The following EFL1 variants were observed in gnomAD, a reference collection of about 807,000 sequenced individuals.
The protein encoded by EFL1 is elongation factor like GTPase 1, also known as elongation factor-like GTPase 1.
Under a neutral mutation model 126.7 loss-of-function variants are expected in EFL1, and 76 were observed. The observed-to-expected ratio is 0.60, with a 90% CI of 0.50 to 0.73. The LOEUF (loss-of-function observed/expected upper bound fraction) is 0.73. Ranked by LOEUF, EFL1 falls within the 30% of genes least tolerant of loss-of-function variation. The pLI, the probability that EFL1 is intolerant of heterozygous loss-of-function variation, is 0.00. For missense variants in EFL1, 1,128 were observed against 1,343.2 expected (o/e 0.84, Z 2.50); for synonymous variants, 410 against 448.4 (o/e 0.91, Z 1.08).
intron 15 of EFL1, among the ~76,000 whole-genome samples, chr15:82,208,106 T>C (rs1005441285): frequency 1.3e-5 from 2 of 152,152 alleles, no homozygotes; most frequent in African/African-American, 4.8e-5. Flanking sequence ...ACATTAACTA[T>C]ATATAAAACT....
intron 15 of EFL1, among the ~76,000 whole-genome samples, chr15:82,179,910 A>G (rs2074232471): frequency 6.6e-6 from 1 of 152,082 alleles, no homozygotes; most frequent in South Asian, 2.1e-4. Context: ...CTTACAGAAG[A>G]GCAAAAGTGC....
In EFL1 at chr15:82,240,237, G is replaced by C. The variant is rs72749598; in HGVS notation, c.516+181C>G. ...CTTTATATGATGGGTGATTCCAAGA[G>C]ATGGAAAAGACTACTGAGAACATGC... On this transcript the variant is annotated intron_variant, in intron 6 of 19. Coordinates refer to ENST00000268206, the MANE Select transcript of EFL1 (RefSeq NM_024580.6). 6.9e-3 allele frequency among the ~76,000 whole-genome samples: 1,051 copies of C among 152,244 alleles called. 10 individuals carry two copies. The highest frequency in any genetic ancestry group is 8.2e-3 in the Non-Finnish European group (557 of 68,018).
chr15:82,170,484 A>G (rs2074124112), intron 15 of EFL1, among the ~76,000 whole-genome samples: 1 of 152,210 alleles, frequency 6.6e-6, no homozygotes, highest in African/African-American at 2.4e-5. Context: ...GGCACAAGTG[A>G]AAAGACTTTT....
At chr15:82,219,931 A>G in intron 13 of EFL1, 113 bp from the exon 14 acceptor site, 1 of 1,488,912 alleles carries the variant, frequency 6.7e-7, no homozygotes, top group Non-Finnish European at 9.0e-7. Context: ...TCAGGAAAAA[A>G]AAGAAAACAA....
intron 14 of EFL1, among the ~76,000 whole-genome samples, chr15:82,217,035 T>A (rs1384956444): frequency 6.6e-6 from 1 of 152,002 alleles, no homozygotes; most frequent in Non-Finnish European, 1.5e-5. Flanking sequence ...ACTATTAATA[T>A]CTTCACACGA....
At chr15:82,204,085 T>G (rs1270863945) in intron 15 of EFL1, among the ~76,000 whole-genome samples, 9 of 152,252 alleles carry the variant, frequency 5.9e-5, no homozygotes, top group Non-Finnish European at 7.3e-5. Context: ...TTAACATTTT[T>G]GTCATTTTAA....
intron 1 of EFL1, 184 bp from the exon 2 acceptor site, chr15:82,261,981 C>T: frequency 5.6e-6 from 3 of 534,182 alleles, no homozygotes; most frequent in Non-Finnish European, 9.9e-6. Context: ...AAGTCAGTAT[C>T]CTACCACGAT....
At chr15:82,149,942 G>T (rs2073890181) in intron 18 of EFL1, among the ~76,000 whole-genome samples, 1 of 152,132 alleles carries the variant, frequency 6.6e-6, no homozygotes, top group Non-Finnish European at 1.5e-5. Flanking sequence ...CTTCTTCAAA[G>T]ATTTGAGGGA....
intron 15 of EFL1, among the ~76,000 whole-genome samples, chr15:82,205,133 C>T (rs1225205677): frequency 6.6e-6 from 1 of 152,184 alleles, no homozygotes; most frequent in African/African-American, 2.4e-5. Context: ...CGAGCATTTC[C>T]TCCAAGCTTG....
chr15:82,163,232 A>G (rs2074041366), intron 16 of EFL1, among the ~76,000 whole-genome samples: 1 of 152,202 alleles, frequency 6.6e-6, no homozygotes, highest in East Asian at 1.9e-4. Flanking sequence ...ATTCCAACTA[A>G]GAAGAAGTCA....
chr15:82,160,724 T>C (rs2074014487), intron 16 of EFL1, among the ~76,000 whole-genome samples: 1 of 152,192 alleles, frequency 6.6e-6, no homozygotes, highest in African/African-American at 2.4e-5. Flanking sequence ...ACAGGATTTC[T>C]TGGATTCCCA....
intron 15 of EFL1, among the ~76,000 whole-genome samples, chr15:82,172,810 C>T (rs2074150713): frequency 6.6e-6 from 1 of 152,146 alleles, no homozygotes; most frequent in Non-Finnish European, 1.5e-5. Flanking sequence ...TCTGACTTAA[C>T]TCATGTAGTC....
At chr15:82,244,955 C>G (rs554483637) in intron 4 of EFL1, among the ~76,000 whole-genome samples, 1 of 152,194 alleles carries the variant, frequency 6.6e-6, no homozygotes, top group South Asian at 2.1e-4. Flanking sequence ...CTGAAAGTGT[C>G]CTTTATGTGT....
intron 14 of EFL1, among the ~76,000 whole-genome samples, chr15:82,216,460 G>A (rs1452494114): frequency 6.6e-6 from 1 of 152,098 alleles, no homozygotes; most frequent in East Asian, 1.9e-4. Context: ...TGGTCTTTTT[G>A]ATGTCAAAAC....
intron 4 of EFL1, among the ~76,000 whole-genome samples, chr15:82,247,231 T>A (rs772957614): frequency 2.0e-5 from 3 of 152,060 alleles, no homozygotes; most frequent in African/African-American, 4.8e-5. Context: ...AGTATTTAAG[T>A]TTGAAAGGTC....
chr15:82,164,040 G>A (rs2074051357), intron 15 of EFL1, 56 bp from the exon 16 acceptor site: 2 of 1,591,916 alleles, frequency 1.3e-6, no homozygotes, highest in Non-Finnish European at 1.7e-6. Flanking sequence ...CTGAATTTAT[G>A]TCAGAAAAAC....
At chr15:82,202,486 T>C (rs2074479835) in intron 15 of EFL1, among the ~76,000 whole-genome samples, 1 of 152,330 alleles carries the variant, frequency 6.6e-6, no homozygotes. Context: ...TGTTGCTTAA[T>C]TGACATTTTG....
intron 2 of EFL1, 21 bp downstream of exon 2, chr15:82,261,667 C>T (rs762649551): frequency 1.2e-6 from 2 of 1,607,272 alleles, no homozygotes; most frequent in South Asian, 1.1e-5. Flanking sequence ...TCAAAATAAG[C>T]CATTTAAAAA....
chr15:82,232,568 C>G (rs2074833361), intron 7 of EFL1, among the ~76,000 whole-genome samples: 1 of 152,154 alleles, frequency 6.6e-6, no homozygotes, highest in Non-Finnish European at 1.5e-5. Flanking sequence ...TTAATCTCTT[C>G]ACTAGTAAAT....
Sources: gnomAD v4.1 joint callset for allele counts (sites outside exome capture counted in the v4.1 genomes callset) on GRCh38, gnomAD v4.1.1 for gene constraint, MANE v1.5 for transcripts, NCBI Gene and HGNC (gene_info 2026-07-23, HGNC 2026-07-21) for gene names.